The following CCDC192 variants were observed in gnomAD, a reference collection of about 807,000 sequenced individuals.
CCDC192 encodes coiled-coil domain-containing protein 192.
intron 2 of CCDC192, among the ~76,000 whole-genome samples, chr5:127,730,572 A>G (rs1342582545): frequency 1.3e-5 from 2 of 150,358 alleles, no homozygotes; most frequent in Non-Finnish European, 3.0e-5. Flanking sequence ...ACAACAAAAA[A>G]AACTTTAGGC....
intron 5 of CCDC192, among the ~76,000 whole-genome samples, chr5:127,810,889 T>C (rs910733866): frequency 1.3e-5 from 2 of 152,136 alleles, no homozygotes; most frequent in African/African-American, 4.8e-5. Flanking sequence ...CCCAGTAACT[T>C]TACTTGCCAA....
chr5:127,915,628 G>T lies in CCDC192; in HGVS notation c.536-25554G>T, dbSNP rs185012214. On this transcript the variant is annotated intron_variant, in intron 6 of 6. Transcript: ENST00000514853. The stretch of plus-strand genomic sequence containing the variant: ...GATCTCCTGACCTCGTGATCCACCC[G>T]CCTGGGCTTCCCAAAGTGCTGGGAT... Among the ~76,000 whole-genome samples the T allele has an allele frequency of 1.1e-4, 16 of 152,290 alleles. No individual in the cohort carries two copies. In the East Asian group the frequency reaches 2.7e-3, roughly 26 times the overall value.
chr5:127,929,195 A>T (rs1292179804), intron 6 of CCDC192, among the ~76,000 whole-genome samples: 1 of 152,226 alleles, frequency 6.6e-6, no homozygotes, highest in Admixed American at 6.5e-5. Context: ...AGAACAAAAT[A>T]AATGAACGAC....
chr5:127,827,202 A>T (rs1225043537), intron 5 of CCDC192, among the ~76,000 whole-genome samples: 1 of 152,196 alleles, frequency 6.6e-6, no homozygotes, highest in African/African-American at 2.4e-5. Context: ...AATTCCCAAA[A>T]AGCCGAACCT....
At chr5:127,876,747 C>A (rs1203246780) in intron 6 of CCDC192, among the ~76,000 whole-genome samples, 1 of 152,186 alleles carries the variant, frequency 6.6e-6, no homozygotes, top group Admixed American at 6.5e-5. Context: ...GAGGAGGAAG[C>A]AGGCGATGTG....
intron 5 of CCDC192, among the ~76,000 whole-genome samples, chr5:127,861,384 G>C (rs868048602): frequency 3.3e-5 from 5 of 151,112 alleles, no homozygotes; most frequent in Non-Finnish European, 7.4e-5. Flanking sequence ...GCCGGGCACA[G>C]TGGCTCATGC....
chr5:127,897,102 A>G (rs1412716731), intron 6 of CCDC192, among the ~76,000 whole-genome samples: 1 of 152,114 alleles, frequency 6.6e-6, no homozygotes, highest in African/African-American at 2.4e-5. Context: ...ATGCCTTTTA[A>G]ATAGACTTTT....
In CCDC192 at chr5:127,941,450, C is replaced by G. The variant is rs558254473; in HGVS notation, c.804C>G (p.Val268=). ...CTACTCATGACATCCCACCTGTGGT[C>G]TCTGATGAGAATTTGTAGATTCCCA... is the stretch of plus-strand genomic sequence containing the variant. ...VFSTHDIPPV[V]SDENL is the part of the protein sequence containing the mutation. Residue 268 remains valine, a synonymous_variant, in exon 7 of 7, where the codon GTC becomes GTG. Transcript: ENST00000514853. 1 of 399,040 alleles carries G rather than the reference C, an allele frequency of 2.5e-6. No individual in the cohort carries two copies. The highest frequency in any genetic ancestry group is 3.6e-5 in the East Asian group (1 of 28,078). The allele number at this position is 399,040 out of a possible 1,614,324, so 24.7% of individuals were successfully genotyped here.
intron 3 of CCDC192, among the ~76,000 whole-genome samples, chr5:127,767,103 T>C (rs1755271604): frequency 6.6e-6 from 1 of 151,888 alleles, no homozygotes; most frequent in African/African-American, 2.4e-5. Context: ...AAGTAGAGAG[T>C]CAGCTCACTG....
chr5:127,907,230 T>C (rs571322076), intron 6 of CCDC192, among the ~76,000 whole-genome samples: 115 of 152,308 alleles, frequency 7.6e-4, no homozygotes, highest in African/African-American at 2.7e-3. Flanking sequence ...TTTTAGTGTC[T>C]ACAGAGACTA....
chr5:127,915,287 C>A (rs1384511788), intron 6 of CCDC192, among the ~76,000 whole-genome samples: 4 of 152,230 alleles, frequency 2.6e-5, no homozygotes, highest in Non-Finnish European at 5.9e-5. Flanking sequence ...GAGTCTTCAG[C>A]AAGTCCTAAT....
At chr5:127,793,835 C>G (rs1200125532) in intron 3 of CCDC192, among the ~76,000 whole-genome samples, 1 of 152,160 alleles carries the variant, frequency 6.6e-6, no homozygotes, top group Non-Finnish European at 1.5e-5. Context: ...TAGAACCAAA[C>G]AGCATATCCG....
intron 6 of CCDC192, among the ~76,000 whole-genome samples, chr5:127,916,170 C>A (rs1225897628): frequency 2.0e-5 from 3 of 152,232 alleles, no homozygotes; most frequent in African/African-American, 7.2e-5. Flanking sequence ...AAAACATTTT[C>A]TCTGCTTATC....
At chr5:127,769,569 A>C (rs1292486682) in intron 3 of CCDC192, among the ~76,000 whole-genome samples, 3 of 152,164 alleles carry the variant, frequency 2.0e-5, no homozygotes, top group Non-Finnish European at 2.9e-5. Context: ...GCCCAGAAAC[A>C]AATCCTCAGA....
At chr5:127,920,048 G>C (rs1753664291) in intron 6 of CCDC192, among the ~76,000 whole-genome samples, 1 of 152,178 alleles carries the variant, frequency 6.6e-6, no homozygotes, top group South Asian at 2.1e-4. Context: ...ACACACACCT[G>C]CACTCCTATA....
At chr5:127,705,716 A>T (rs1197907619) in intron 1 of CCDC192, among the ~76,000 whole-genome samples, 1 of 152,076 alleles carries the variant, frequency 6.6e-6, no homozygotes, top group Non-Finnish European at 1.5e-5. Context: ...CAACAAGCAG[A>T]GAAGAGAGTA....
At chr5:127,840,427 A>T (rs934348946) in intron 5 of CCDC192, among the ~76,000 whole-genome samples, 3 of 152,174 alleles carry the variant, frequency 2.0e-5, no homozygotes, top group African/African-American at 7.2e-5. Flanking sequence ...GCTTCAAAGA[A>T]AAAAAGCACA....
At chr5:127,822,296 C>A (rs1175372416) in intron 5 of CCDC192, among the ~76,000 whole-genome samples, 2 of 152,200 alleles carry the variant, frequency 1.3e-5, no homozygotes, top group East Asian at 1.9e-4. Flanking sequence ...GGGGTTCAAT[C>A]TGCCCATGGG....
intron 5 of CCDC192, chr5:127,857,592 T>A (rs964967008): frequency 2.6e-5 from 4 of 152,092 alleles, no homozygotes; most frequent in African/African-American, 9.7e-5. Context: ...AGAGAAAGAT[T>A]TATGTTAAAA....
Sources: allele counts gnomAD v4.1 joint callset (sites outside exome capture counted in the v4.1 genomes callset), GRCh38; gene constraint gnomAD v4.1.1; transcripts MANE v1.5; gene names NCBI Gene and HGNC (gene_info 2026-07-23, HGNC 2026-07-21).